SPIDR: variants seen among roughly 807,000 people sequenced by gnomAD.
The protein encoded by SPIDR is scaffold protein involved in DNA repair.
A neutral mutation model predicts 104.6 loss-of-function variants in SPIDR; 93 were observed. The ratio of observed to expected loss-of-function variants is 0.89; its 90% CI spans 0.75 to 1.06. SPIDR has a LOEUF of 1.06. Among genes scored for constraint, SPIDR ranks in the 50% least tolerant of loss-of-function variants. The pLI is 0.00. For synonymous variants in SPIDR, 431 were observed against 416.9 expected, an observed-to-expected ratio of 1.03 and a Z score of -0.41; for missense variants, 1,154 against 1,111.2, an observed-to-expected ratio of 1.04 and a Z score of -0.55.
intron 5 of SPIDR, among the ~76,000 whole-genome samples, chr8:47,299,627 C>A (rs1213568300): frequency 6.6e-6 from 1 of 152,118 alleles, no homozygotes; most frequent in Non-Finnish European, 1.5e-5. Flanking sequence ...TACGTCCCAT[C>A]AATACCTAAT....
intron 5 of SPIDR, among the ~76,000 whole-genome samples, chr8:47,381,111 A>G (rs1042246510): frequency 6.6e-6 from 1 of 152,212 alleles, no homozygotes; most frequent in African/African-American, 2.4e-5. Flanking sequence ...TAATGTGTGT[A>G]TGTGTGCCAT....
chr8:47,713,397 A>G (rs2082141357), intron 15 of SPIDR, 92 bp from the exon 16 acceptor site: 3 of 1,563,234 alleles, frequency 1.9e-6, no homozygotes, highest in African/African-American at 1.3e-5. Flanking sequence ...CTTCACCTGC[A>G]TGACTCGAGG....
chr8:47,386,877 GGAGA>G (rs1241295166), intron 5 of SPIDR, among the ~76,000 whole-genome samples: 2 of 100,202 alleles, frequency 2.0e-5, no homozygotes, highest in South Asian at 3.1e-4. Flanking sequence ...GGGGACGAGG[GGAGA>G]GAGAGAGAGA....
chr8:47,552,244 T>C (rs184704737), intron 8 of SPIDR, among the ~76,000 whole-genome samples: 9 of 152,328 alleles, frequency 5.9e-5, no homozygotes, highest in Admixed American at 2.0e-4. Flanking sequence ...GAATATATAA[T>C]CTGTTGATTT....
intron 7 of SPIDR, among the ~76,000 whole-genome samples, chr8:47,425,012 A>T (rs1554683712): frequency 1.3e-5 from 2 of 152,190 alleles, no homozygotes; most frequent in Non-Finnish European, 2.9e-5. Context: ...TTTATTTTTG[A>T]AATTTAAGAT....
chr8:47,452,461 G>C (rs556940267), intron 8 of SPIDR, among the ~76,000 whole-genome samples: 45 of 152,222 alleles, frequency 3.0e-4, no homozygotes, highest in African/African-American at 1.1e-3. Flanking sequence ...CAGAAATCCT[G>C]AATCAAATAC....
chr8:47,506,583 A>G (rs1169203722), intron 8 of SPIDR, among the ~76,000 whole-genome samples: 1 of 152,084 alleles, frequency 6.6e-6, no homozygotes, highest in East Asian at 1.9e-4. Context: ...GTTAACATGC[A>G]TAAATATATA....
chr8:47,305,717 G>A (rs1245167839), intron 5 of SPIDR, among the ~76,000 whole-genome samples: 1 of 152,098 alleles, frequency 6.6e-6, no homozygotes, highest in Non-Finnish European at 1.5e-5. Flanking sequence ...TTAATAGTGA[G>A]TTAGAATAAA....
intron 10 of SPIDR, chr8:47,654,075 C>A (rs774928711): frequency 7.8e-7 from 1 of 1,289,760 alleles, no homozygotes; most frequent in South Asian, 1.2e-5. Flanking sequence ...GCATCTTGAT[C>A]TTCTTAGGCC....
chr8:47,722,060 A>G (rs73571462), intron 16 of SPIDR, among the ~76,000 whole-genome samples: 2,757 of 152,282 alleles, frequency 0.018, 84 homozygotes, highest in African/African-American at 0.064. Flanking sequence ...TATCTTTCAG[A>G]AGAGTTTTTT....
At chr8:47,502,119 C>T (rs1399589053) in intron 8 of SPIDR, among the ~76,000 whole-genome samples, 2 of 152,158 alleles carry the variant, frequency 1.3e-5, no homozygotes, top group Non-Finnish European at 2.9e-5. Context: ...TGTTGTGTCT[C>T]TGCCAGGCTT....
chr8:47,731,838 T>C (rs1343871363), intron 19 of SPIDR, among the ~76,000 whole-genome samples: 1 of 152,212 alleles, frequency 6.6e-6, no homozygotes, highest in Non-Finnish European at 1.5e-5. Flanking sequence ...GAGTAGGTGC[T>C]AAAGGTGGCA....
chr8:47,567,780 C>CTTTTTTTTTT (rs35199139), intron 8 of SPIDR, among the ~76,000 whole-genome samples: 133 of 70,906 alleles, frequency 1.9e-3, no homozygotes, highest in East Asian at 2.8e-3. Context: ...TTTTCTTTTT[C>CTTTTTTTTTT]TTTTTTTTTT....
intron 7 of SPIDR, among the ~76,000 whole-genome samples, chr8:47,418,220 C>G (rs1371291974): frequency 1.3e-4 from 20 of 152,216 alleles, no homozygotes; most frequent in African/African-American, 2.4e-4. Context: ...GGACAGTATG[C>G]CCATTTTCCC....
In SPIDR at chr8:47,450,246, C is replaced by T. The variant is rs375086694; in HGVS notation, c.1097+9704C>T. Among the ~76,000 whole-genome samples, 31 of 152,242 alleles carry T rather than the reference C, an allele frequency of 2.0e-4. 1 individual carries two copies. Among genetic ancestry groups the T allele is most frequent in the African/African-American group, 7.2e-4 (30 of 41,542 alleles). ...CATAGCACCACTATTTGTTGAGGGC[C>T]TTCGTTTTTCATCTTCCCATGGCAG... is the stretch of plus-strand genomic sequence containing the variant. On this transcript the variant is annotated intron_variant, in intron 8 of 19. Transcript: ENST00000297423.
chr8:47,447,993 A>G (rs782535376), intron 8 of SPIDR, among the ~76,000 whole-genome samples: 10 of 152,344 alleles, frequency 6.6e-5, no homozygotes, highest in Non-Finnish European at 1.0e-4. Flanking sequence ...GGAAACAAAA[A>G]TTCATGTGAC....
intron 8 of SPIDR, among the ~76,000 whole-genome samples, chr8:47,538,297 C>G (rs1437491237): frequency 6.6e-6 from 1 of 152,042 alleles, no homozygotes; most frequent in Non-Finnish European, 1.5e-5. Flanking sequence ...GTAATCCCAG[C>G]ACTTTGGAAG....
chr8:47,685,281 T>C (rs376676406), intron 11 of SPIDR, among the ~76,000 whole-genome samples: 1 of 152,082 alleles, frequency 6.6e-6, no homozygotes, highest in East Asian at 1.9e-4. Context: ...CAAATACCAC[T>C]TATCCCTCCA....
At chr8:47,510,602 AAC>A (rs1491288501) in intron 8 of SPIDR, among the ~76,000 whole-genome samples, 1 of 152,190 alleles carries the variant, frequency 6.6e-6, no homozygotes, top group African/African-American at 2.4e-5. Context: ...GCAAAAAAAA[AAC>A]AAAATGTTGT....
Sources: allele counts gnomAD v4.1 joint callset (sites outside exome capture counted in the v4.1 genomes callset), GRCh38; gene constraint gnomAD v4.1.1; transcripts MANE v1.5; gene names NCBI Gene and HGNC (gene_info 2026-07-23, HGNC 2026-07-21).